The following TRPS1 variants were observed in gnomAD, a reference collection of about 807,000 sequenced individuals.
TRPS1 encodes zinc finger transcription factor Trps1.
Under a neutral mutation model 101.2 loss-of-function variants are expected in TRPS1, and 6 were observed. The ratio of observed to expected loss-of-function variants is 0.06; its 90% CI spans 0.03 to 0.12. The LOEUF (loss-of-function observed/expected upper bound fraction) is 0.12, where lower values mean the gene tolerates loss of function less well. Ranked by LOEUF, TRPS1 falls within the 10% of genes least tolerant of loss-of-function variation. The pLI is 1.00. For missense variants in TRPS1, 1,363 were observed against 1,567.0 expected, an observed-to-expected ratio of 0.87 and a Z score of 2.20; for synonymous variants, 578 against 589.8, an observed-to-expected ratio of 0.98 and a Z score of 0.29.
At chr8:115,610,308 G>A (rs1217406986) in intron 3 of TRPS1, among the ~76,000 whole-genome samples, 1 of 152,138 alleles carries the variant, frequency 6.6e-6, no homozygotes, top group Non-Finnish European at 1.5e-5. Flanking sequence ...AAGTCTGTAA[G>A]GGCCGATCTT....
Position 115,541,613 on chromosome 8 carries a change from T to TA in TRPS1, c.2700+45387dup, listed in dbSNP as rs151280296. 6.2e-4 allele frequency among the ~76,000 whole-genome samples: 95 copies of TA among 152,324 alleles called. No individual in the cohort carries two copies. The East Asian group carries it at 0.018, about 29-fold the overall frequency. ...TCAATTGTTTTTCAGCTCTGACAGTTACATAGCCTGCCTTATATCCAAAAA... is the reference window on the plus strand; with the variant it reads ...TCAATTGTTTTTCAGCTCTGACAGTTAACATAGCCTGCCTTATATCCAAAAA... On this transcript the variant is annotated intron_variant, in intron 5 of 6. Coordinates refer to ENST00000395715, the MANE Select transcript of TRPS1 (RefSeq NM_014112.5).
chr8:115,494,728 C>A (rs932503360), intron 5 of TRPS1, among the ~76,000 whole-genome samples: 1 of 152,140 alleles, frequency 6.6e-6, no homozygotes, highest in African/African-American at 2.4e-5. Flanking sequence ...ATTTTAACCT[C>A]TTGATGAATT....
chr8:115,576,582 A>T (rs1276824669), intron 5 of TRPS1, among the ~76,000 whole-genome samples: 1 of 152,132 alleles, frequency 6.6e-6, no homozygotes, highest in Admixed American at 6.6e-5. Flanking sequence ...TGAATCTAGA[A>T]CACAAAGTCT....
chr8:115,409,182 T>A lies in TRPS1; in HGVS notation c.*4841A>T. The A allele has an allele frequency of 6.9e-6, 1 of 145,282 alleles. No homozygotes were observed. The highest frequency in any genetic ancestry group is 3.3e-3 in the Middle Eastern group (1 of 300). 9.0% of individuals were successfully genotyped at this position (145,282 alleles called of 1,614,324 possible). On this transcript the variant is annotated 3_prime_UTR_variant, in exon 7 of 7. Coordinates refer to ENST00000395715, the MANE Select transcript of TRPS1 (RefSeq NM_014112.5). ...TTATTATTATTAATAATATTATTAA[T>A]ACATATATTTTTCAATTTTACAGCT...
intron 5 of TRPS1, among the ~76,000 whole-genome samples, chr8:115,585,093 G>A (rs1179741300): frequency 6.6e-6 from 1 of 152,102 alleles, no homozygotes; most frequent in African/African-American, 2.4e-5. Flanking sequence ...CATAGGGTTG[G>A]AATTTGGCTA....
intron 5 of TRPS1, among the ~76,000 whole-genome samples, chr8:115,441,426 T>C (rs187355391): frequency 2.0e-5 from 3 of 152,338 alleles, no homozygotes; most frequent in East Asian, 3.9e-4. Flanking sequence ...TTTCTGTACT[T>C]GGCTAGGCTC....
In TRPS1 at chr8:115,414,365, G is replaced by C. The variant is rs1367896138; in HGVS notation, c.3543C>G (p.Ile1181Met). Residue 1181 changes from isoleucine (I) to methionine (M), a missense_variant, in exon 7 of 7, where the codon ATC becomes ATG. By Grantham distance (10) the Ile-to-Met change is conservative. Transcript: ENST00000395715. This position sits in a 1 kb window ranked among gnomAD's most constrained non-coding sequence, Gnocchi z 4.8. ...SDNDIPLDLA[I>M]KHSRPGPTAN... is the part of the protein sequence containing the mutation. The stretch of plus-strand genomic sequence containing the variant: ...CAGTTGGCCCAGGTCTGGAATGCTT[G>C]ATCGCCAAATCTAGAGGAATGTCAT... 1.9e-6 allele frequency: 3 copies of C among 1,613,928 alleles called. No individual in the cohort carries two copies. The highest frequency in any genetic ancestry group is 1.7e-6 in the Non-Finnish European group (2 of 1,179,958).
chr8:115,409,789 A>T lies in TRPS1; in HGVS notation c.*4234T>A, dbSNP rs1228344003. 1.3e-5 allele frequency: 2 copies of T among 152,336 alleles called. No homozygotes were observed. Among genetic ancestry groups the T allele is most frequent in the Non-Finnish European group, 2.9e-5 (2 of 68,000 alleles). The allele number at this position is 152,336 out of a possible 1,614,324, so 9.4% of individuals were successfully genotyped here. ...TGCTGATAGAATTCCACCTAACAGT[A>T]CCTACCTTTGATTAGAATATTTAGT... On this transcript the variant is annotated 3_prime_UTR_variant, in exon 7 of 7. Transcript: ENST00000395715.
intron 5 of TRPS1, among the ~76,000 whole-genome samples, chr8:115,473,527 T>C (rs959252682): frequency 1.3e-5 from 2 of 152,182 alleles, no homozygotes; most frequent in Non-Finnish European, 2.9e-5. Flanking sequence ...TACACATCAG[T>C]TTCCCTGTCA....
At chr8:115,630,203 T>C (rs1183163298) in intron 1 of TRPS1, among the ~76,000 whole-genome samples, 2 of 152,014 alleles carry the variant, frequency 1.3e-5, no homozygotes, top group East Asian at 1.9e-4. Flanking sequence ...GCCTCTATTT[T>C]ACACATTCAC....
intron 5 of TRPS1, among the ~76,000 whole-genome samples, chr8:115,541,970 C>T (rs1295684729): frequency 6.6e-6 from 1 of 152,134 alleles, no homozygotes; most frequent in African/African-American, 2.4e-5. Flanking sequence ...GTCAACAATG[C>T]AACTTAATGT....
At chr8:115,520,733 AC>A (rs1372695160) in intron 5 of TRPS1, among the ~76,000 whole-genome samples, 6 of 148,808 alleles carry the variant, frequency 4.0e-5, no homozygotes, top group African/African-American at 7.4e-5. Context: ...AAGTTCTTAG[AC>A]TTCTGTGAAG....
rs548282620 is a variant in TRPS1, at chr8:115,461,010, C to T, written c.2701-42558G>A. Reference sequence around the variant, plus strand: ...AATAGCATAGTCACTAACAGTTTTGCCTGAGAGCTTCACGCAAGGTTTCAC... The same window carrying T: ...AATAGCATAGTCACTAACAGTTTTGTCTGAGAGCTTCACGCAAGGTTTCAC... On this transcript the variant is annotated intron_variant, in intron 5 of 6. Transcript: ENST00000395715. Among the ~76,000 whole-genome samples, 48 of 152,194 alleles carry T rather than the reference C, an allele frequency of 3.2e-4. No individual in the cohort carries two copies. In the South Asian group the frequency reaches 1.0e-2, roughly 32 times the overall value.
intron 1 of TRPS1, among the ~76,000 whole-genome samples, chr8:115,653,247 G>A (rs1427633495): frequency 6.6e-6 from 1 of 151,990 alleles, no homozygotes; most frequent in Non-Finnish European, 1.5e-5. Flanking sequence ...GCACTGATAG[G>A]GTTTCCTATG....
intron 5 of TRPS1, among the ~76,000 whole-genome samples, chr8:115,514,780 C>A (rs908273558): frequency 2.0e-5 from 3 of 151,374 alleles, no homozygotes; most frequent in Admixed American, 6.6e-5. Context: ...CCAAAAAAAA[C>A]CAGCTTAATA....
intron 5 of TRPS1, among the ~76,000 whole-genome samples, chr8:115,506,718 T>C (rs1815453550): frequency 1.3e-5 from 2 of 152,152 alleles, no homozygotes; most frequent in African/African-American, 2.4e-5. Flanking sequence ...TTGAACTAAC[T>C]AGTGTTCATA....
At chr8:115,621,653 G>A (rs1223238016) in intron 2 of TRPS1, among the ~76,000 whole-genome samples, 2 of 152,138 alleles carry the variant, frequency 1.3e-5, no homozygotes, top group African/African-American at 2.4e-5. Context: ...AGGGGCTCAC[G>A]CCTGTAATCC....
chr8:115,569,920 G>T (rs1052059401), intron 5 of TRPS1, among the ~76,000 whole-genome samples: 4 of 151,958 alleles, frequency 2.6e-5, no homozygotes, highest in Non-Finnish European at 4.4e-5. Flanking sequence ...ATTAAAAAAA[G>T]AAGGTATATA....
chr8:115,420,505 G>T (rs1381077059), intron 5 of TRPS1, among the ~76,000 whole-genome samples: 1 of 152,150 alleles, frequency 6.6e-6, no homozygotes, highest in Non-Finnish European at 1.5e-5. Context: ...CACATATATG[G>T]CTGAGGCTCA....
Sources: gnomAD v4.1 joint callset for allele counts (sites outside exome capture counted in the v4.1 genomes callset) on GRCh38, gnomAD v4.1.1 for gene constraint, Gnocchi (gnomAD v3.1) non-coding constraint, MANE v1.5 for transcripts, NCBI Gene and HGNC (gene_info 2026-07-23, HGNC 2026-07-21) for gene names.